The following RASGRP2 variants were observed in gnomAD, a reference collection of about 807,000 sequenced individuals.
RASGRP2 encodes RAS guanyl releasing protein 2.
Under a neutral mutation model 71.0 loss-of-function variants are expected in RASGRP2, and 44 were observed. The observed-to-expected ratio is 0.62, with a 90% CI of 0.49 to 0.80. The LOEUF is 0.80. RASGRP2 is among the 30% of genes least tolerant of loss of function. The pLI, the probability that RASGRP2 is intolerant of heterozygous loss-of-function variation, is 0.00. For synonymous variants in RASGRP2, 350 were observed against 330.7 expected, an observed-to-expected ratio of 1.06 and a Z score of -0.63; for missense variants, 663 against 813.4, an observed-to-expected ratio of 0.82 and a Z score of 2.25.
chr11:64,741,495 T>C lies in RASGRP2; in HGVS notation c.183A>G (p.Gln61=). The C allele has an allele frequency of 6.3e-7, 1 of 1,579,610 alleles. No homozygotes were observed. Residue 61 remains glutamine, a synonymous_variant, in exon 4 of 17, where the codon CAA becomes CAG. Coordinates refer to ENST00000394432, the MANE Select transcript of RASGRP2 (RefSeq NM_001098671.2). The part of the protein sequence containing the change: ...QLAAKLLHIY[Q]QSRKDNSNSL... The stretch of plus-strand genomic sequence containing the variant: ...AATTGGAGTTGTCCTTCCGGGATTG[T>C]TGGTAGGTGAAGGAGAGGGTTAAGG...
In RASGRP2 at chr11:64,743,185, G is replaced by A; in HGVS notation, c.-71-248C>T. The A allele has an allele frequency of 1.7e-6, 1 of 573,986 alleles. No individual in the cohort carries two copies. Among genetic ancestry groups the A allele is most frequent in the Non-Finnish European group, 3.3e-6 (1 of 303,176 alleles). 35.6% of individuals were successfully genotyped at this position (573,986 alleles called of 1,614,324 possible). ...AGGCCGAGGGGCTTCACGAGGATGG[G>A]GACGAACCAAGATCCCAGGACTGGC... On this transcript the variant is annotated intron_variant, in intron 1 of 16. Coordinates refer to ENST00000394432, the MANE Select transcript of RASGRP2 (RefSeq NM_001098671.2). This position sits in a 1 kb window ranked among gnomAD's most constrained non-coding sequence, Gnocchi z 4.9.
upstream of RASGRP2, chr11:64,744,436 T>A: frequency 2.4e-6 from 1 of 411,262 alleles, no homozygotes; most frequent in Non-Finnish European, 3.3e-6. Flanking sequence ...CGCTTCCTCG[T>A]GTGACCTTGA....
chr11:64,740,468 G>A (rs2058086357), intron 5 of RASGRP2: 1 of 636,466 alleles, frequency 1.6e-6, no homozygotes, highest in East Asian at 3.4e-5. Context: ...GACAGACACA[G>A]AAACACATGA....
At position 64,734,456 on chromosome 11, in the gene RASGRP2, CACTTCTT is replaced by C. The variant is rs552642288; in HGVS notation, c.1412+649_1412+655del. The stretch of plus-strand genomic sequence containing the variant: ...GCGTGAGGCACCGCACCTGGCCTCT[CACTTCTT>C]ACTTTAAACATTTTGTTCACTATAA... On this transcript the variant is annotated intron_variant, in intron 12 of 16. Transcript: ENST00000394432. 1.8e-4 allele frequency among the ~76,000 whole-genome samples: 27 copies of C among 152,162 alleles called. No individual in the cohort carries two copies. The East Asian group carries it at 5.1e-3, about 28-fold the overall frequency.
Position 64,739,521 on chromosome 11 carries a change from G to A in RASGRP2, c.697-45C>T. On this transcript the variant is annotated intron_variant, in intron 7 of 16. Coordinates refer to ENST00000394432, the MANE Select transcript of RASGRP2 (RefSeq NM_001098671.2). This position sits in a 1 kb window ranked among gnomAD's most constrained non-coding sequence, Gnocchi z 4.2. ...GGAGAGGCAGGGAGTCACTGAGTGGGCCCAGAATTTGGCCCAGCTTATCTA... is the reference window on the plus strand; with the variant it reads ...GGAGAGGCAGGGAGTCACTGAGTGGACCCAGAATTTGGCCCAGCTTATCTA... The A allele has an allele frequency of 3.1e-6, 5 of 1,608,854 alleles. No individual in the cohort carries two copies. Among genetic ancestry groups the A allele is most frequent in the Non-Finnish European group, 3.4e-6 (4 of 1,175,306 alleles).
rs1408599753 is a variant in RASGRP2 at position 64,738,446 on chromosome 11, C to CT, written c.813+913dup. On this transcript the variant is annotated intron_variant, in intron 8 of 16. Transcript: ENST00000394432. ...TATTCATATGTTTTTATATACTTTT[C>CT]TTTTTTTTTAGATGGAGTCTCACTC... Among the ~76,000 whole-genome samples the CT allele has an allele frequency of 6.6e-5, 10 of 151,252 alleles. No homozygotes were observed. In the East Asian group the frequency reaches 1.4e-3, roughly 20 times the overall value.
rs769348639 is a variant in RASGRP2, at chr11:64,729,806, A to AGAGGAGGGGCCGTGGTGG, written c.1555-26_1555-9dup. ...CTTGTAGATGCCCAGGATCTGCAAT[A>AGAGGAGGGGCCGTGGTGG]GAGGAGGGGCCGTGGTGGGAGGAGG... On this transcript the variant is annotated splice_polypyrimidine_tract_variant and intron_variant, in intron 13 of 16. Coordinates refer to ENST00000394432, the MANE Select transcript of RASGRP2 (RefSeq NM_001098671.2). 2 of 1,613,910 alleles carry AGAGGAGGGGCCGTGGTGG rather than the reference A, an allele frequency of 1.2e-6. No individual in the cohort carries two copies. The highest frequency in any genetic ancestry group is 2.2e-5 in the South Asian group (2 of 91,080).
At chr11:64,729,629 G>A in intron 14 of RASGRP2, 133 bp downstream of exon 14, 2 of 1,134,010 alleles carry the variant, frequency 1.8e-6, no homozygotes, top group Non-Finnish European at 2.6e-6. Context: ...GAGCCACCAT[G>A]CCCGGCCATG....
chr11:64,741,881 C>A (rs950328581), intron 3 of RASGRP2, 129 bp downstream of exon 3: 5 of 829,210 alleles, frequency 6.0e-6, no homozygotes, highest in Non-Finnish European at 8.1e-6. Flanking sequence ...GAGGCTGGGA[C>A]GACGCCTGAG....
intron 14 of RASGRP2, 90 bp from the exon 15 acceptor site, chr11:64,729,132 C>G (rs1327664586): frequency 1.5e-6 from 2 of 1,339,028 alleles, no homozygotes; most frequent in Admixed American, 3.9e-5. Context: ...CTACCAGGAA[C>G]CTTTGTTCCT....
chr11:64,742,162 C>G lies in RASGRP2; in HGVS notation c.74-50G>C. On this transcript the variant is annotated intron_variant, in intron 2 of 16. Transcript: ENST00000394432. This position sits in a 1 kb window ranked among gnomAD's most constrained non-coding sequence, Gnocchi z 4.7. ...GTGGCTGAGCTGGGTCCGCAGCTAC[C>G]ATGCCTCATCCTCACCCCGCAACCC... The G allele has an allele frequency of 2.8e-6, 4 of 1,420,358 alleles. No individual in the cohort carries two copies. The highest frequency in any genetic ancestry group is 2.9e-6 in the Non-Finnish European group (3 of 1,027,676). 88.0% of individuals were successfully genotyped at this position (1,420,358 alleles called of 1,614,324 possible). A position where few individuals can be genotyped will look rare whatever the true frequency, so the allele number is the denominator to read the frequency against.
At chr11:64,740,203 G>A (rs200964254) in intron 5 of RASGRP2, 40 bp from the exon 6 acceptor site, 81 of 1,612,710 alleles carry the variant, frequency 5.0e-5, no homozygotes, top group East Asian at 6.7e-5. Flanking sequence ...CTGGACATGC[G>A]CATGACTCGT....
chr11:64,736,629 C>T, intron 9 of RASGRP2, 124 bp downstream of exon 9: 1 of 1,108,208 alleles, frequency 9.0e-7, no homozygotes. Flanking sequence ...AACCCCAGAG[C>T]CCACGCTAGA....
rs2057700813 is a variant in RASGRP2, at chr11:64,729,793, C to G, written c.1560G>C (p.Leu520=). 5 of 1,613,976 alleles carry G rather than the reference C, an allele frequency of 3.1e-6. No individual in the cohort carries two copies. In the South Asian group the frequency reaches 5.5e-5, roughly 18 times the overall value. ...ATTTGAGGCCCTGCTTGTAGATGCC[C>G]AGGATCTGCAATAGAGGAGGGGCCG... The part of the protein sequence containing the change: ...VACRHCKALI[L]GIYKQGLKCR... The change falls in exon 14 of 17, where the codon CTG becomes CTC. Residue 520 remains leucine, a synonymous_variant. Coordinates refer to ENST00000394432, the MANE Select transcript of RASGRP2 (RefSeq NM_001098671.2).
In RASGRP2 at chr11:64,743,551, C is replaced by T; in HGVS notation, c.-72+452G>A. The T allele has an allele frequency of 5.9e-6, 2 of 338,334 alleles. No individual in the cohort carries two copies. Among genetic ancestry groups the T allele is most frequent in the South Asian group, 2.1e-5 (1 of 47,042 alleles). The allele number at this position is 338,334 out of a possible 1,614,324, so 21.0% of individuals were successfully genotyped here. ...TTCCTGGGGCGGGGGGAGCCCGCTGCGGCCAGGAGGCGTCAGCGGGAAGCC... is the reference window on the plus strand; with the variant it reads ...TTCCTGGGGCGGGGGGAGCCCGCTGTGGCCAGGAGGCGTCAGCGGGAAGCC... On this transcript the variant is annotated intron_variant, in intron 1 of 16. Transcript: ENST00000394432. This position sits in a 1 kb window ranked among gnomAD's most constrained non-coding sequence, Gnocchi z 4.9.
chr11:64,738,733 C>A (rs368123527), intron 8 of RASGRP2, among the ~76,000 whole-genome samples: 43 of 152,166 alleles, frequency 2.8e-4, no homozygotes, highest in African/African-American at 6.0e-4. Flanking sequence ...GCTACTACGC[C>A]CAGTCTCATA....
chr11:64,728,936 G>T lies in RASGRP2; in HGVS notation c.1698C>A (p.Pro566=). 6.2e-7 allele frequency: 1 copy of T among 1,612,742 alleles called. No individual in the cohort carries two copies. Among genetic ancestry groups the T allele is most frequent in the African/African-American group, 1.3e-5 (1 of 75,066 alleles). ...AGGCGCGGTGATGGTGGCTGTGCAT[G>T]GGTGAGGGTGAGGGTGCAGACCCCT... ...SLEGSAPSPS[P]MHSHHHRAFS... is the part of the protein sequence containing the mutation. The change falls in exon 15 of 17, where the codon CCC becomes CCA. Residue 566 remains proline (P), a synonymous_variant. Coordinates refer to ENST00000394432, the MANE Select transcript of RASGRP2 (RefSeq NM_001098671.2).
In RASGRP2 at chr11:64,741,443, C is replaced by T. The variant is rs1024424979; in HGVS notation, c.235G>A (p.Val79Ile). ...NSLQVKTCHL[V>I]RYWISAFPAE... ...AGCCCCAGGGGAAAGACTCACCTGACCAGGTGGCACGTTTTCACCTGCAGG... is the reference window on the plus strand; with the variant it reads ...AGCCCCAGGGGAAAGACTCACCTGATCAGGTGGCACGTTTTCACCTGCAGG... Residue 79 changes from valine (V) to isoleucine (I), a missense_variant, in exon 4 of 17, where the codon GTC becomes ATC. Physicochemically the swap from Val to Ile is conservative, Grantham distance 29. Coordinates refer to ENST00000394432, the MANE Select transcript of RASGRP2 (RefSeq NM_001098671.2). 24 of 1,561,664 alleles carry T rather than the reference C, an allele frequency of 1.5e-5. No homozygotes were observed. The highest frequency in any genetic ancestry group is 1.9e-5 in the Non-Finnish European group (22 of 1,149,388).
chr11:64,735,736 G>T lies in RASGRP2; in HGVS notation c.1174-72C>A. The stretch of plus-strand genomic sequence containing the variant: ...CCAGAGCCCCGGGGAACAGAGAGGG[G>T]AATCCCTGGGAGAGGGAAGTCTGCC... On this transcript the variant is annotated intron_variant, in intron 10 of 16. Coordinates refer to ENST00000394432, the MANE Select transcript of RASGRP2 (RefSeq NM_001098671.2). This position sits in a 1 kb window ranked among gnomAD's most constrained non-coding sequence, Gnocchi z 4.2. 6.4e-7 allele frequency: 1 copy of T among 1,550,768 alleles called. No homozygotes were observed. Among genetic ancestry groups the T allele is most frequent in the Non-Finnish European group, 8.7e-7 (1 of 1,143,892 alleles).
Sources: allele counts gnomAD v4.1 joint callset (sites outside exome capture counted in the v4.1 genomes callset), GRCh38; gene constraint gnomAD v4.1.1; non-coding constraint Gnocchi (gnomAD v3.1); transcripts MANE v1.5; gene names NCBI Gene and HGNC (gene_info 2026-07-23, HGNC 2026-07-21).